The following PRTFDC1 variants were observed in gnomAD, a reference collection of about 807,000 sequenced individuals.
PRTFDC1 encodes the protein phosphoribosyltransferase domain-containing protein 1.
Under a neutral mutation model 34.6 loss-of-function variants are expected in PRTFDC1, and 38 were observed. That is an observed-to-expected ratio of 1.10 (90% CI 0.85 to 1.44). The LOEUF is 1.44. PRTFDC1 is among the 40% of genes most tolerant of loss of function. The probability of loss-of-function intolerance (pLI) is 0.00; values close to 1 mark genes in which losing one functional copy is unlikely to be tolerated. For synonymous variants in PRTFDC1, 93 were observed against 98.1 expected, an observed-to-expected ratio of 0.95 and a Z score of 0.31; for missense variants, 270 against 283.0, an observed-to-expected ratio of 0.95 and a Z score of 0.33.
intron 4 of PRTFDC1, among the ~76,000 whole-genome samples, chr10:24,864,868 C>A (rs924488207): frequency 3.3e-5 from 5 of 152,106 alleles, no homozygotes; most frequent in Non-Finnish European, 7.4e-5. Flanking sequence ...GTAATCCCAG[C>A]ACTTTGGGAA....
chr10:24,866,909 A>G (rs1440023144), intron 4 of PRTFDC1, among the ~76,000 whole-genome samples: 1 of 152,002 alleles, frequency 6.6e-6, no homozygotes, highest in African/African-American at 2.4e-5. Context: ...AGAAAGAAAG[A>G]GAACAAAAAA....
chr10:24,913,344 C>G (rs1002930448), intron 3 of PRTFDC1, among the ~76,000 whole-genome samples: 7 of 152,002 alleles, frequency 4.6e-5, no homozygotes, highest in African/African-American at 1.5e-4. Context: ...TTTAGCTGAC[C>G]CTTTGGGTAA....
At chr10:24,883,847 C>G (rs1342184413) in intron 3 of PRTFDC1, among the ~76,000 whole-genome samples, 1 of 105,604 alleles carries the variant, frequency 9.5e-6, no homozygotes, top group Non-Finnish European at 1.8e-5. Flanking sequence ...TTTTATAAGA[C>G]AGAATCTCAC....
rs539348954 is a variant in PRTFDC1, at chr10:24,931,880, G to A, written c.339+5304C>T. Among the ~76,000 whole-genome samples, 52 of 146,550 alleles carry A rather than the reference G, an allele frequency of 3.5e-4. 1 individual carries two copies. Among genetic ancestry groups the A allele is most frequent in the Middle Eastern group, 3.6e-3 (1 of 280 alleles). Reference sequence around the variant, plus strand: ...AGTTTATTTTAAAAGACCAATATAAGCCTGATACCAGAATCAGAAAAAGGC... The same window carrying A: ...AGTTTATTTTAAAAGACCAATATAAACCTGATACCAGAATCAGAAAAAGGC... On this transcript the variant is annotated intron_variant, in intron 3 of 8. Coordinates refer to ENST00000320152, the MANE Select transcript of PRTFDC1 (RefSeq NM_020200.7).
intron 4 of PRTFDC1, among the ~76,000 whole-genome samples, chr10:24,865,259 A>G (rs920314235): frequency 2.0e-5 from 3 of 152,194 alleles, no homozygotes; most frequent in African/African-American, 4.8e-5. Context: ...TTTCTGATTC[A>G]TCCCCTCCAT....
At chr10:24,854,267 C>T (rs564964085) in intron 7 of PRTFDC1, among the ~76,000 whole-genome samples, 21 of 152,160 alleles carry the variant, frequency 1.4e-4, no homozygotes, top group Admixed American at 9.2e-4. Flanking sequence ...GCTTAGTAAC[C>T]GCATGCAACC....
At chr10:24,870,941 A>T (rs1189548497) in intron 4 of PRTFDC1, among the ~76,000 whole-genome samples, 3 of 151,864 alleles carry the variant, frequency 2.0e-5, no homozygotes, top group African/African-American at 7.3e-5. Flanking sequence ...GCATGGTGGC[A>T]GGTGCCTGTA....
chr10:24,907,791 T>A (rs1176897514), intron 3 of PRTFDC1, among the ~76,000 whole-genome samples: 1 of 152,264 alleles, frequency 6.6e-6, no homozygotes. Flanking sequence ...TATACATTTA[T>A]TGTTAGAATA....
At chr10:24,951,506 C>T (rs990907395) in intron 1 of PRTFDC1, 15 of 952,942 alleles carry the variant, frequency 1.6e-5, no homozygotes, top group South Asian at 4.8e-5. Flanking sequence ...TTCAACCTGA[C>T]CCTTCTGTCT....
intron 3 of PRTFDC1, among the ~76,000 whole-genome samples, chr10:24,927,614 G>A (rs900404601): frequency 7.5e-6 from 1 of 133,034 alleles, no homozygotes; most frequent in African/African-American, 3.0e-5. Context: ...ACAGAGTCTT[G>A]CTCTGTCACC....
At chr10:24,872,914 C>T (rs895108870) in intron 3 of PRTFDC1, among the ~76,000 whole-genome samples, 1 of 149,324 alleles carries the variant, frequency 6.7e-6, no homozygotes, top group Admixed American at 6.7e-5. Context: ...CTCAAGCAAT[C>T]CTTCTGTCTC....
rs149945511 is a variant in PRTFDC1 at position 24,855,334 on chromosome 10, G to A, written c.537C>T (p.Asp179=). ...AACACTTACAGTCAGGTCTAAAGCC[G>A]TCACTTCTGGATGTTCTCTTCACCA... The part of the protein sequence containing the change: ...SLLVKRTSRS[D]GFRPDYAGFE... Residue 179 remains aspartate, a synonymous_variant, in exon 7 of 9, where the codon GAC becomes GAT. Coordinates refer to ENST00000320152, the MANE Select transcript of PRTFDC1 (RefSeq NM_020200.7). The A allele has an allele frequency of 9.8e-5, 158 of 1,613,822 alleles. No homozygotes were observed. Among genetic ancestry groups the A allele is most frequent in the Non-Finnish European group, 1.2e-4 (137 of 1,179,922 alleles).
intron 3 of PRTFDC1, among the ~76,000 whole-genome samples, chr10:24,916,681 C>G (rs887786706): frequency 2.0e-5 from 3 of 152,218 alleles, no homozygotes; most frequent in Non-Finnish European, 2.9e-5. Flanking sequence ...TCTCTGACCA[C>G]TCCCCACAAC....
chr10:24,866,952 C>T (rs1376741737), intron 4 of PRTFDC1, among the ~76,000 whole-genome samples: 1 of 146,998 alleles, frequency 6.8e-6, no homozygotes, highest in African/African-American at 2.5e-5. Context: ...AAGGTAGTTT[C>T]TCGGGGTTCA....
intron 3 of PRTFDC1, among the ~76,000 whole-genome samples, chr10:24,888,220 AT>A (rs1215712733): frequency 6.6e-6 from 1 of 152,152 alleles, no homozygotes; most frequent in East Asian, 1.9e-4. Flanking sequence ...CTTTACACCT[AT>A]CTCCTTAAAG....
chr10:24,949,543 T>C (rs1278313205), intron 1 of PRTFDC1, among the ~76,000 whole-genome samples: 1 of 152,172 alleles, frequency 6.6e-6, no homozygotes, highest in African/African-American at 2.4e-5. Context: ...GCTCTGAAGT[T>C]GCCTGCTTAT....
intron 3 of PRTFDC1, among the ~76,000 whole-genome samples, chr10:24,927,170 A>G (rs890415031): frequency 1.3e-5 from 2 of 152,192 alleles, no homozygotes; most frequent in African/African-American, 4.8e-5. Context: ...GCCAAACTAG[A>G]TATTTGTTTC....
intron 3 of PRTFDC1, among the ~76,000 whole-genome samples, chr10:24,882,204 C>CAAAAAAAAA (rs10651020): frequency 7.4e-5 from 8 of 107,488 alleles, no homozygotes; most frequent in African/African-American, 1.1e-4. Context: ...GGATCTGCCT[C>CAAAAAAAAA]AAAAAAAAAA....
intron 3 of PRTFDC1, among the ~76,000 whole-genome samples, chr10:24,892,407 A>ATT (rs59897617): frequency 0.019 from 2,805 of 148,816 alleles, 74 homozygotes; most frequent in African/African-American, 0.065. Flanking sequence ...AGCATTTGTG[A>ATT]TTTTTTTTTT....
Sources: gnomAD v4.1 joint callset for allele counts (sites outside exome capture counted in the v4.1 genomes callset) on GRCh38, gnomAD v4.1.1 for gene constraint, MANE v1.5 for transcripts, NCBI Gene and HGNC (gene_info 2026-07-23, HGNC 2026-07-21) for gene names.